Variants in ANGPT1 observed in about 807,000 individuals in gnomAD.
ANGPT1 encodes angiopoietin 1.
In ANGPT1, 17 loss-of-function variants were observed where a neutral mutation model predicts 62.2. That is an observed-to-expected ratio of 0.27 (90% CI 0.19 to 0.41). The LOEUF is 0.41. ANGPT1 is among the 10% of genes least tolerant of loss of function. The pLI is 1.00. For synonymous variants in ANGPT1, 199 were observed against 198.9 expected (o/e 1.00, Z 0.00); for missense variants, 478 against 594.9 (o/e 0.80, Z 2.04).
chr8:107,387,545 T>A (rs1052173118), intron 1 of ANGPT1, among the ~76,000 whole-genome samples: 4 of 152,002 alleles, frequency 2.6e-5, no homozygotes, highest in African/African-American at 7.2e-5. Context: ...AATAGACTAT[T>A]TGTAATAGTA....
chr8:107,299,179 T>C (rs1814492304), intron 5 of ANGPT1, among the ~76,000 whole-genome samples: 1 of 151,476 alleles, frequency 6.6e-6, no homozygotes, highest in South Asian at 2.1e-4. Flanking sequence ...TATTTAAAAT[T>C]ATAAATGATA....
At chr8:107,394,570 T>C (rs983330863) in intron 1 of ANGPT1, among the ~76,000 whole-genome samples, 1 of 152,118 alleles carries the variant, frequency 6.6e-6, no homozygotes, top group African/African-American at 2.4e-5. Flanking sequence ...TTAAGAGATA[T>C]CATGACAAAG....
chr8:107,390,536 TG>T (rs1267960029), intron 1 of ANGPT1, among the ~76,000 whole-genome samples: 1 of 152,120 alleles, frequency 6.6e-6, no homozygotes, highest in Non-Finnish European at 1.5e-5. Flanking sequence ...AAATCATACG[TG>T]GGATTAAATC....
intron 8 of ANGPT1, among the ~76,000 whole-genome samples, chr8:107,256,205 TTC>T (rs1334076086): frequency 2.0e-5 from 3 of 152,188 alleles, no homozygotes; most frequent in Non-Finnish European, 4.4e-5. Flanking sequence ...GAGCAATTAT[TTC>T]TCATGACAAT....
At chr8:107,374,045 A>G (rs1816473155) in intron 1 of ANGPT1, among the ~76,000 whole-genome samples, 2 of 152,140 alleles carry the variant, frequency 1.3e-5, no homozygotes, top group South Asian at 4.1e-4. Flanking sequence ...AAGAATATTG[A>G]CCTTAATTCC....
intron 1 of ANGPT1, among the ~76,000 whole-genome samples, chr8:107,363,373 A>T (rs916777478): frequency 6.6e-6 from 1 of 152,230 alleles, no homozygotes; most frequent in African/African-American, 2.4e-5. Flanking sequence ...AACTGCATAT[A>T]CAGTTATCAA....
intron 7 of ANGPT1, among the ~76,000 whole-genome samples, chr8:107,283,541 A>T (rs993977532): frequency 1.3e-5 from 2 of 152,110 alleles, no homozygotes; most frequent in African/African-American, 4.8e-5. Flanking sequence ...TAAAAAAAAA[A>T]GGTTTGTCTT....
chr8:107,305,484 G>A (rs1214928715), intron 4 of ANGPT1, among the ~76,000 whole-genome samples: 1 of 151,862 alleles, frequency 6.6e-6, no homozygotes, highest in Non-Finnish European at 1.5e-5. Context: ...CTATGTGTGG[G>A]AAGAGGAAGC....
chr8:107,420,127 T>C (rs1810859395), intron 1 of ANGPT1, among the ~76,000 whole-genome samples: 3 of 152,188 alleles, frequency 2.0e-5, no homozygotes. Flanking sequence ...GATAATTGCC[T>C]ATGACTCCTA....
chr8:107,351,195 G>A (rs976328959), intron 1 of ANGPT1, among the ~76,000 whole-genome samples: 1 of 152,110 alleles, frequency 6.6e-6, no homozygotes, highest in Non-Finnish European at 1.5e-5. Flanking sequence ...ATGCTAGGAA[G>A]AGAATGTGAT....
chr8:107,491,691 A>G (rs1221408382), intron 1 of ANGPT1, among the ~76,000 whole-genome samples: 1 of 152,186 alleles, frequency 6.6e-6, no homozygotes, highest in Non-Finnish European at 1.5e-5. Context: ...ATGTCGTTTG[A>G]AGGTAGTAAA....
chr8:107,324,175 A>ATG lies in ANGPT1; in HGVS notation c.576-2049_576-2048dup, dbSNP rs755773732. Among the ~76,000 whole-genome samples the ATG allele has an allele frequency of 7.1e-3, 1,019 of 144,172 alleles. 10 individuals carry two copies. Among genetic ancestry groups the ATG allele is most frequent in the African/African-American group, 0.023 (865 of 38,328 alleles). 94.6% of individuals were successfully genotyped at this position (144,172 alleles called of 152,430 possible). On this transcript the variant is annotated intron_variant, in intron 3 of 8. Transcript: ENST00000517746. ...AAAAAAAAAATATGTATATATATAT[A>ATG]TGTGTGTGTGTGTATATATGTATAT...
intron 1 of ANGPT1, among the ~76,000 whole-genome samples, chr8:107,448,281 TA>T (rs1811671019): frequency 6.6e-6 from 1 of 152,204 alleles, no homozygotes; most frequent in Non-Finnish European, 1.5e-5. Flanking sequence ...CTACATTCCT[TA>T]AAACTAATGA....
At chr8:107,433,194 A>G (rs1195843564) in intron 1 of ANGPT1, among the ~76,000 whole-genome samples, 2 of 152,156 alleles carry the variant, frequency 1.3e-5, no homozygotes, top group Non-Finnish European at 2.9e-5. Context: ...TGTGCTAATG[A>G]GTCCCAAAAT....
rs1381406500 is a variant in ANGPT1 at position 107,282,455 on chromosome 8, TGC to T, written c.1205+2225_1205+2226del. The stretch of plus-strand genomic sequence containing the variant: ...ATGTGTGTATGTGTGTGTGTGTGTG[TGC>T]GTGTGTACACATGCATATGCATGTG... On this transcript the variant is annotated intron_variant, in intron 7 of 8. Transcript: ENST00000517746. 1.7e-4 allele frequency among the ~76,000 whole-genome samples: 21 copies of T among 123,232 alleles called. 2 individuals are homozygous for T. Among genetic ancestry groups the T allele is most frequent in the South Asian group, 2.6e-4 (1 of 3,898 alleles). The allele number at this position is 123,232 out of a possible 152,430, so 80.8% of individuals were successfully genotyped here. A position where few individuals can be genotyped will look rare whatever the true frequency, so the allele number is the denominator to read the frequency against.
chr8:107,254,569 A>C (rs966927156), intron 8 of ANGPT1, among the ~76,000 whole-genome samples: 1 of 152,142 alleles, frequency 6.6e-6, no homozygotes, highest in Non-Finnish European at 1.5e-5. Flanking sequence ...ACATTTGTGA[A>C]AGAAGCTGAT....
intron 1 of ANGPT1, among the ~76,000 whole-genome samples, chr8:107,424,047 G>T (rs999737342): frequency 1.3e-5 from 2 of 151,482 alleles, no homozygotes; most frequent in African/African-American, 4.9e-5. Context: ...CACCATGTTG[G>T]CTAGACTGGT....
At chr8:107,418,087 C>T (rs1810798074) in intron 1 of ANGPT1, among the ~76,000 whole-genome samples, 1 of 152,150 alleles carries the variant, frequency 6.6e-6, no homozygotes, top group Admixed American at 6.6e-5. Flanking sequence ...CATCATGACA[C>T]ACTTTTTCCT....
intron 1 of ANGPT1, among the ~76,000 whole-genome samples, chr8:107,488,479 A>C (rs1246048248): frequency 6.6e-6 from 1 of 152,126 alleles, no homozygotes; most frequent in African/African-American, 2.4e-5. Flanking sequence ...TAGATATTAA[A>C]CTTCTGCGGA....
Sources: allele counts gnomAD v4.1 joint callset (sites outside exome capture counted in the v4.1 genomes callset), GRCh38; gene constraint gnomAD v4.1.1; transcripts MANE v1.5; gene names NCBI Gene and HGNC (gene_info 2026-07-23, HGNC 2026-07-21).